The following SUPT5H variants were observed in gnomAD, a reference collection of about 807,000 sequenced individuals.
The protein encoded by SUPT5H is transcription elongation factor SPT5.
Under a neutral mutation model 142.5 loss-of-function variants are expected in SUPT5H, and 24 were observed. The ratio of observed to expected loss-of-function variants is 0.17; its 90% CI spans 0.12 to 0.24. The LOEUF (loss-of-function observed/expected upper bound fraction) is 0.24, where lower values mean the gene tolerates loss of function less well. SUPT5H is among the 10% of genes least tolerant of loss of function. The pLI, the probability that SUPT5H is intolerant of heterozygous loss-of-function variation, is 1.00. For missense variants in SUPT5H, 893 were observed against 1,471.8 expected (o/e 0.61, Z 6.43); for synonymous variants, 546 against 553.0 (o/e 0.99, Z 0.18).
Position 39,474,779 on chromosome 19 carries a change from G to T in SUPT5H, c.3024+61G>T. ...CCTCTCCTTGGTACCCCCTAAACTG[G>T]AGACAGACCTGTCCCCAGATGGTGA... On this transcript the variant is annotated intron_variant, in intron 28 of 29. Coordinates refer to ENST00000432763, the MANE Select transcript of SUPT5H (RefSeq NM_001111020.3). The surrounding 1 kb of genome is among the most constrained non-coding windows in gnomAD (Gnocchi z 6.5). The T allele has an allele frequency of 6.5e-7, 1 of 1,527,072 alleles. No individual in the cohort carries two copies. Among genetic ancestry groups the T allele is most frequent in the South Asian group, 1.2e-5 (1 of 82,692 alleles). The allele number at this position is 1,527,072 out of a possible 1,614,324, so 94.6% of individuals were successfully genotyped here.
At chr19:39,475,926 C>T (rs2079398622) in intron 28 of SUPT5H, 155 bp from the exon 29 acceptor site, 2 of 659,308 alleles carry the variant, frequency 3.0e-6, no homozygotes, top group Non-Finnish European at 5.2e-6. Context: ...GCACCACAGG[C>T]CCCAGGCCTT....
intron 28 of SUPT5H, 186 bp from the exon 29 acceptor site, chr19:39,475,895 T>A: frequency 5.1e-6 from 3 of 593,048 alleles, no homozygotes; most frequent in South Asian, 2.1e-5. Context: ...GCTGATTGGG[T>A]CACCCTGTCC....
Position 39,476,395 on chromosome 19 carries a change from C to T in SUPT5H, c.3260C>T (p.Ala1087Val). The change falls in exon 30 of 30, where the codon GCC becomes GTC. Residue 1087 changes from alanine (A) to valine (V), a missense_variant. Physicochemically the swap from Ala to Val is moderately conservative, Grantham distance 64. Transcript: ENST00000432763. ...NLRFLGKLLE[A>V] ...CGCTTCCTGGGGAAGCTCCTGGAAGCCTGAAGCAGGCAGGGCCGGTGGACT... is the reference window on the plus strand; with the variant it reads ...CGCTTCCTGGGGAAGCTCCTGGAAGTCTGAAGCAGGCAGGGCCGGTGGACT... The T allele has an allele frequency of 6.2e-7, 1 of 1,614,036 alleles. No individual in the cohort carries two copies. Among genetic ancestry groups the T allele is most frequent in the Non-Finnish European group, 8.5e-7 (1 of 1,180,028 alleles).
rs960765345 is a variant in SUPT5H at position 39,459,171 on chromosome 19, C to G, written c.459-13C>G. 1.2e-6 allele frequency: 2 copies of G among 1,604,126 alleles called. No homozygotes were observed. The highest frequency in any genetic ancestry group is 2.7e-5 in the African/African-American group (2 of 74,576). On this transcript the variant is annotated splice_polypyrimidine_tract_variant and intron_variant, in intron 7 of 29. Transcript: ENST00000432763. ...AGAGCTTCACCCCTTCCTGACTGCC[C>G]TCCTCCCTTCAGGGTGTATGGAGGA...
intron 10 of SUPT5H, among the ~76,000 whole-genome samples, chr19:39,462,260 G>C (rs1301574663): frequency 1.3e-5 from 2 of 151,946 alleles, no homozygotes; most frequent in East Asian, 3.9e-4. Context: ...ATATATTGTA[G>C]TGTATTCATA....
chr19:39,466,788 G>T lies in SUPT5H; in HGVS notation c.1037+43G>T. 1 of 1,597,964 alleles carries T rather than the reference G, an allele frequency of 6.3e-7. No homozygotes were observed. Among genetic ancestry groups the T allele is most frequent in the Non-Finnish European group, 8.6e-7 (1 of 1,165,356 alleles). On this transcript the variant is annotated intron_variant, in intron 13 of 29. Transcript: ENST00000432763. The surrounding 1 kb of genome is among the most constrained non-coding windows in gnomAD (Gnocchi z 4.3). ...CTGGCTGGGCTGGGTCCCCAGGGCC[G>T]GTGTGTAGAATGTGCCTTTTGCAGG... is the stretch of plus-strand genomic sequence containing the variant.
At chr19:39,449,013 G>A (rs761117984) in intron 2 of SUPT5H, among the ~76,000 whole-genome samples, 3 of 140,626 alleles carry the variant, frequency 2.1e-5, no homozygotes, top group South Asian at 2.4e-4. Flanking sequence ...TGGCGTGAAC[G>A]CAGGAGACAG....
chr19:39,467,022 C>T, intron 13 of SUPT5H: 1 of 371,942 alleles, frequency 2.7e-6, no homozygotes, highest in South Asian at 6.3e-5. Context: ...GCCTGGGCAA[C>T]ATAATGAGAT....
At position 39,470,279 on chromosome 19, in the gene SUPT5H, G is replaced by A. The variant is rs1343930325; in HGVS notation, c.1530+5G>A. On this transcript the variant is annotated splice_donor_5th_base_variant and intron_variant, in intron 17 of 29. Coordinates refer to ENST00000432763, the MANE Select transcript of SUPT5H (RefSeq NM_001111020.3). This position sits in a 1 kb window ranked among gnomAD's most constrained non-coding sequence, Gnocchi z 5.8. ...TCTGACCTCACCATGCATGAGGTAGGTGGATAGAAGGGTCGGGGAAGGGTG... is the reference window on the plus strand; with the variant it reads ...TCTGACCTCACCATGCATGAGGTAGATGGATAGAAGGGTCGGGGAAGGGTG... 6.4e-7 allele frequency: 1 copy of A among 1,561,780 alleles called. No homozygotes were observed. Among genetic ancestry groups the A allele is most frequent in the South Asian group, 1.2e-5 (1 of 84,040 alleles).
Position 39,459,641 on chromosome 19 carries a change from G to A in SUPT5H, c.555+52G>A, listed in dbSNP as rs780975236. The A allele has an allele frequency of 1.9e-6, 3 of 1,608,226 alleles. No homozygotes were observed. The East Asian group carries it at 6.7e-5, about 36-fold the overall frequency. Reference sequence around the variant, plus strand: ...AGGAGGTGGGAGAATGAGGGAGGCTGCTTTGTGGGGGAGAAGTGTCTGTCT... The same window carrying A: ...AGGAGGTGGGAGAATGAGGGAGGCTACTTTGTGGGGGAGAAGTGTCTGTCT... On this transcript the variant is annotated intron_variant, in intron 9 of 29. Coordinates refer to ENST00000432763, the MANE Select transcript of SUPT5H (RefSeq NM_001111020.3).
chr19:39,476,068 C>T lies in SUPT5H; in HGVS notation c.3025-13C>T. ...GAGCAGGACAGGCTGACCAGGCTGT[C>T]CCCATCCTCCAGGGGGGCATGTGCT... On this transcript the variant is annotated splice_polypyrimidine_tract_variant and intron_variant, in intron 28 of 29. Coordinates refer to ENST00000432763, the MANE Select transcript of SUPT5H (RefSeq NM_001111020.3). 1.2e-6 allele frequency: 2 copies of T among 1,613,238 alleles called. No individual in the cohort carries two copies. The highest frequency in any genetic ancestry group is 1.7e-6 in the Non-Finnish European group (2 of 1,179,396).
chr19:39,458,755 A>G lies in SUPT5H; in HGVS notation c.320-63A>G, dbSNP rs1293588968. ...CTGGCCCTCTTAGCTGCACGCTCCT[A>G]TTTTCTCCAGGCCCCTGCCCTCCAC... On this transcript the variant is annotated intron_variant, in intron 5 of 29. Transcript: ENST00000432763. This position sits in a 1 kb window ranked among gnomAD's most constrained non-coding sequence, Gnocchi z 4.2. The G allele has an allele frequency of 5.3e-6, 8 of 1,495,982 alleles. No homozygotes were observed. The East Asian group carries it at 9.1e-5, about 17-fold the overall frequency. The allele number at this position is 1,495,982 out of a possible 1,614,324, so 92.7% of individuals were successfully genotyped here. A position where few individuals can be genotyped will look rare whatever the true frequency, so the allele number is the denominator to read the frequency against.
At chr19:39,471,911 T>C in intron 20 of SUPT5H, 181 bp downstream of exon 20, 1 of 909,190 alleles carries the variant, frequency 1.1e-6, no homozygotes, top group Non-Finnish European at 1.6e-6. Context: ...CCAAGTTATT[T>C]TAAGTTATTT....
Position 39,473,944 on chromosome 19 carries a change from C to T in SUPT5H, c.2493-19C>T. ...GCATTATCACCACAGTCGCTGTCAA[C>T]AGACTTTTCTCCCAACAGGGCTGAG... On this transcript the variant is annotated intron_variant, in intron 25 of 29. Coordinates refer to ENST00000432763, the MANE Select transcript of SUPT5H (RefSeq NM_001111020.3). The surrounding 1 kb of genome is among the most constrained non-coding windows in gnomAD (Gnocchi z 5.8). 1 of 1,613,748 alleles carries T rather than the reference C, an allele frequency of 6.2e-7. No homozygotes were observed. The highest frequency in any genetic ancestry group is 1.1e-5 in the South Asian group (1 of 91,084).
chr19:39,452,639 CAG>C (rs1344844300), intron 2 of SUPT5H, among the ~76,000 whole-genome samples: 1 of 152,080 alleles, frequency 6.6e-6, no homozygotes, highest in African/African-American at 2.4e-5. Flanking sequence ...GGACTAGAAA[CAG>C]AGATGGGAGT....
At chr19:39,465,247 G>C (rs529241739) in intron 11 of SUPT5H, among the ~76,000 whole-genome samples, 198 bp downstream of exon 11, 7 of 152,360 alleles carry the variant, frequency 4.6e-5, no homozygotes, top group African/African-American at 7.2e-5. Flanking sequence ...GTTGAGTAAA[G>C]GTCTGAAGGA....
At chr19:39,451,187 CTTTTT>C (rs36028459) in intron 2 of SUPT5H, among the ~76,000 whole-genome samples, 1 of 111,706 alleles carries the variant, frequency 9.0e-6, no homozygotes, top group South Asian at 2.9e-4. Context: ...TGAGCATGAC[CTTTTT>C]TTTTTTTTTT....
At chr19:39,475,849 C>T (rs1218445986) in intron 28 of SUPT5H, 1 of 564,580 alleles carries the variant, frequency 1.8e-6, no homozygotes, top group Non-Finnish European at 3.2e-6. Flanking sequence ...AAGCAGTCTC[C>T]TTTTTGCCTG....
At position 39,470,076 on chromosome 19, in the gene SUPT5H, G is replaced by T; in HGVS notation, c.1375-43G>T. 1 of 1,588,546 alleles carries T rather than the reference G, an allele frequency of 6.3e-7. No individual in the cohort carries two copies. The highest frequency in any genetic ancestry group is 1.1e-5 in the South Asian group (1 of 89,410). Reference sequence around the variant, plus strand: ...CAGGAGGGGCAGGCAGGTTGTGGTGGTCTCCCTTCACCTGTTTGTTGTCCC... The same window carrying T: ...CAGGAGGGGCAGGCAGGTTGTGGTGTTCTCCCTTCACCTGTTTGTTGTCCC... On this transcript the variant is annotated intron_variant, in intron 16 of 29. Coordinates refer to ENST00000432763, the MANE Select transcript of SUPT5H (RefSeq NM_001111020.3). The surrounding 1 kb of genome is among the most constrained non-coding windows in gnomAD (Gnocchi z 5.8).
Sources: allele counts gnomAD v4.1 joint callset (sites outside exome capture counted in the v4.1 genomes callset), GRCh38; gene constraint gnomAD v4.1.1; non-coding constraint Gnocchi (gnomAD v3.1); transcripts MANE v1.5; gene names NCBI Gene and HGNC (gene_info 2026-07-23, HGNC 2026-07-21).